Variants in TUSC3 observed in about 807,000 individuals in gnomAD.
TUSC3 encodes tumor suppressor candidate 3, also known as dolichyl-diphosphooligosaccharide--protein glycosyltransferase subunit TUSC3.
A neutral mutation model predicts 44.8 loss-of-function variants in TUSC3; 45 were observed. That is an observed-to-expected ratio of 1.00 (90% confidence interval 0.79 to 1.29). The LOEUF (loss-of-function observed/expected upper bound fraction) is 1.29. Ranked by LOEUF, TUSC3 falls within the 50% of genes most tolerant of loss-of-function variation. The pLI is 0.00. For missense variants in TUSC3, 519 were observed against 437.9 expected (o/e 1.19, Z -1.65); for synonymous variants, 212 against 152.9 (o/e 1.39, Z -2.85).
chr8:15,543,813 T>G (rs1563281386), intron 1 of TUSC3, among the ~76,000 whole-genome samples: 1 of 151,752 alleles, frequency 6.6e-6, no homozygotes, highest in Non-Finnish European at 1.5e-5. Flanking sequence ...CTATTGCTTA[T>G]CATGAAACAC....
intron 6 of TUSC3, among the ~76,000 whole-genome samples, chr8:15,708,773 T>C (rs1383830130): frequency 6.6e-6 from 1 of 151,898 alleles, no homozygotes; most frequent in Non-Finnish European, 1.5e-5. Context: ...TCAAGATCTT[T>C]ACAAGATACG....
intron 6 of TUSC3, among the ~76,000 whole-genome samples, chr8:15,690,936 A>C (rs964793982): frequency 6.9e-6 from 1 of 144,742 alleles, no homozygotes; most frequent in African/African-American, 2.5e-5. Context: ...GGTAATGCCA[A>C]ATGCCTCCAG....
At chr8:15,483,038 T>G (rs1202675439) in intron 1 of TUSC3, among the ~76,000 whole-genome samples, 1 of 152,164 alleles carries the variant, frequency 6.6e-6, no homozygotes, top group Non-Finnish European at 1.5e-5. Context: ...AAAGCCAACT[T>G]TAATATTTGC....
chr8:15,843,593 C>CATAT, the TUSC3 span, among the ~76,000 whole-genome samples: 163 of 91,084 alleles, frequency 1.8e-3, no homozygotes, highest in African/African-American at 5.6e-3. Flanking sequence ...ACTTGATGTA[C>CATAT]ATATATATAT....
At chr8:15,743,345 G>A (rs970976665) in intron 7 of TUSC3, 193 bp from the exon 8 acceptor site, 120 of 601,062 alleles carry the variant, frequency 2.0e-4, no homozygotes, top group Non-Finnish European at 3.2e-4. Context: ...GAAGTTTCAG[G>A]TTATAAATTT....
intron 1 of TUSC3, among the ~76,000 whole-genome samples, chr8:15,606,567 G>T (rs1357532267): frequency 6.6e-6 from 1 of 152,000 alleles, no homozygotes; most frequent in African/African-American, 2.4e-5. Flanking sequence ...GGATATTCTT[G>T]TAGGTAAGTC....
At chr8:15,613,135 G>A (rs1367594824) in intron 1 of TUSC3, among the ~76,000 whole-genome samples, 3 of 149,848 alleles carry the variant, frequency 2.0e-5, no homozygotes, top group Non-Finnish European at 4.4e-5. Context: ...ACACTTTTTA[G>A]TGCTAGAGTT....
At chr8:15,476,255 C>T (rs554088937) in intron 1 of TUSC3, among the ~76,000 whole-genome samples, 1 of 152,220 alleles carries the variant, frequency 6.6e-6, no homozygotes, top group African/African-American at 2.4e-5. Flanking sequence ...AATAGCTACA[C>T]GAATTCATCA....
At chr8:15,496,578 C>T (rs1800883310) in intron 2 of TUSC3, among the ~76,000 whole-genome samples, 1 of 152,162 alleles carries the variant, frequency 6.6e-6, no homozygotes, top group East Asian at 1.9e-4. Context: ...TCTCCCTTAC[C>T]AGGCTCAGCA....
chr8:15,547,964 AT>A (rs1258242218), intron 1 of TUSC3, among the ~76,000 whole-genome samples: 1 of 151,552 alleles, frequency 6.6e-6, no homozygotes, highest in Non-Finnish European at 1.5e-5. Flanking sequence ...TTTTTCTGTT[AT>A]TTTTAACTTT....
chr8:15,842,867 C>A, the TUSC3 span, among the ~76,000 whole-genome samples: 1 of 152,206 alleles, frequency 6.6e-6, no homozygotes, highest in Non-Finnish European at 1.5e-5. Context: ...TTACCATTCA[C>A]TTATCCTTTC....
intron 1 of TUSC3, among the ~76,000 whole-genome samples, chr8:15,476,485 A>G (rs1479238598): frequency 6.6e-6 from 1 of 152,100 alleles, no homozygotes; most frequent in African/African-American, 2.4e-5. Context: ...ATTAAGGTTT[A>G]AGAGAGGGCT....
chr8:15,676,851 G>A (rs2129184360), intron 6 of TUSC3, among the ~76,000 whole-genome samples: 1 of 152,204 alleles, frequency 6.6e-6, no homozygotes, highest in African/African-American at 2.4e-5. Context: ...AATCCATCTA[G>A]CATATAACCC....
At chr8:15,833,961 C>T in the TUSC3 span, among the ~76,000 whole-genome samples, 1 of 152,012 alleles carries the variant, frequency 6.6e-6, no homozygotes, top group Non-Finnish European at 1.5e-5. Flanking sequence ...GTCTGAAAAT[C>T]ATATTTATCA....
intron 1 of TUSC3, among the ~76,000 whole-genome samples, chr8:15,592,634 A>C (rs1384224618): frequency 1.3e-5 from 2 of 152,196 alleles, no homozygotes; most frequent in African/African-American, 2.4e-5. Flanking sequence ...CCTCATCAGA[A>C]GCCAAGCGGA....
chr8:15,813,915 G>A, the TUSC3 span, among the ~76,000 whole-genome samples: 2 of 152,018 alleles, frequency 1.3e-5, no homozygotes, highest in South Asian at 2.1e-4. Context: ...TAGCTCCACC[G>A]TTACTAAGTT....
intron 6 of TUSC3, 72 bp from the exon 7 acceptor site, chr8:15,730,594 T>C: frequency 6.9e-7 from 1 of 1,459,454 alleles, no homozygotes; most frequent in Non-Finnish European, 9.5e-7. Flanking sequence ...ATTGTTTATC[T>C]TCATGACTTA....
chr8:15,504,654 T>TC (rs1420103002), intron 2 of TUSC3, among the ~76,000 whole-genome samples: 2 of 139,312 alleles, frequency 1.4e-5, no homozygotes. Context: ...AGTGGGTTTT[T>TC]TTTTGTGTGT....
At chr8:15,762,014 ACATT>A (rs1812184842) in intron 10 of TUSC3, among the ~76,000 whole-genome samples, 2 of 152,138 alleles carry the variant, frequency 1.3e-5, no homozygotes, top group Middle Eastern at 3.4e-3. Flanking sequence ...TCAATATAAA[ACATT>A]CATACTGGAA....
Sources: gnomAD v4.1 joint callset for allele counts (sites outside exome capture counted in the v4.1 genomes callset) on GRCh38, gnomAD v4.1.1 for gene constraint, MANE v1.5 for transcripts, NCBI Gene and HGNC (gene_info 2026-07-23, HGNC 2026-07-21) for gene names.